The following KDM4C variants were observed in gnomAD, a reference collection of about 807,000 sequenced individuals.
The protein encoded by KDM4C is lysine demethylase 4C, also known as lysine-specific demethylase 4C.
KDM4C carries 81 observed loss-of-function variants against 129.3 expected under a neutral mutation model. The observed-to-expected ratio is 0.63, with a 90% CI of 0.52 to 0.75. The LOEUF (loss-of-function observed/expected upper bound fraction) is 0.75. Among genes scored for constraint, KDM4C ranks in the 30% least tolerant of loss-of-function variants. The pLI is 0.00. For missense variants in KDM4C, 1,457 were observed against 1,304.0 expected (o/e 1.12, Z -1.81); for synonymous variants, 573 against 456.1 (o/e 1.26, Z -3.26).
intron 4 of KDM4C, among the ~76,000 whole-genome samples, chr9:6,841,360 T>C (rs554189981): frequency 3.3e-4 from 50 of 152,206 alleles, no homozygotes; most frequent in African/African-American, 1.1e-3. Flanking sequence ...AAGGATGTTG[T>C]TGAGGATGGA....
chr9:7,124,429 G>A (rs1165022209), intron 18 of KDM4C, among the ~76,000 whole-genome samples: 2 of 152,126 alleles, frequency 1.3e-5, no homozygotes, highest in Non-Finnish European at 2.9e-5. Flanking sequence ...CACACAGGTT[G>A]TGAATGTGGC....
At chr9:7,083,664 A>C (rs1278539566) in intron 17 of KDM4C, among the ~76,000 whole-genome samples, 2 of 150,678 alleles carry the variant, frequency 1.3e-5, no homozygotes, top group Non-Finnish European at 2.9e-5. Flanking sequence ...CCACCATGGG[A>C]TATGCCATTT....
At chr9:7,167,354 C>T (rs1007686853) in intron 20 of KDM4C, among the ~76,000 whole-genome samples, 1 of 152,096 alleles carries the variant, frequency 6.6e-6, no homozygotes, top group African/African-American at 2.4e-5. Flanking sequence ...GGTTGGTTAC[C>T]CTAGTCCTAG....
At chr9:6,772,948 G>T (rs984295923) in intron 1 of KDM4C, among the ~76,000 whole-genome samples, 1 of 151,648 alleles carries the variant, frequency 6.6e-6, no homozygotes, top group Non-Finnish European at 1.5e-5. Context: ...CACCCACCTC[G>T]GCCTCCCCAA....
intron 1 of KDM4C, among the ~76,000 whole-genome samples, chr9:6,773,580 G>C (rs1381841843): frequency 6.6e-6 from 1 of 152,080 alleles, no homozygotes; most frequent in Admixed American, 6.6e-5. Flanking sequence ...AGACCAGCCT[G>C]ATCAACATGG....
intron 15 of KDM4C, among the ~76,000 whole-genome samples, chr9:7,029,632 G>C (rs1358899103): frequency 6.6e-6 from 1 of 152,098 alleles, no homozygotes; most frequent in East Asian, 1.9e-4. Flanking sequence ...ATGTGTGTAA[G>C]ATTATTTTTT....
At position 7,052,863 on chromosome 9, in the gene KDM4C, C is replaced by CAG. The variant is rs370475585; in HGVS notation, c.2424+3700_2424+3701dup. Among the ~76,000 whole-genome samples, 388 of 41,102 alleles carry CAG rather than the reference C, an allele frequency of 9.4e-3. 18 individuals are homozygous for CAG. Among genetic ancestry groups the CAG allele is most frequent in the Middle Eastern group, 0.043 (4 of 92 alleles). The allele number at this position is 41,102 out of a possible 152,430, so 27.0% of individuals were successfully genotyped here. ...CTAACCAGAGCTCTGGCCACACCTG[C>CAG]AGAGAGAGAGAGAGAGAGAGAGAGA... is the stretch of plus-strand genomic sequence containing the variant. On this transcript the variant is annotated intron_variant, in intron 17 of 21. Transcript: ENST00000381309.
intron 17 of KDM4C, among the ~76,000 whole-genome samples, chr9:7,095,195 C>T (rs966639442): frequency 1.3e-5 from 2 of 152,212 alleles, no homozygotes; most frequent in African/African-American, 4.8e-5. Context: ...GATACCTTTA[C>T]TGTTCCACCC....
At chr9:6,910,113 G>A (rs1406702098) in intron 8 of KDM4C, among the ~76,000 whole-genome samples, 2 of 152,098 alleles carry the variant, frequency 1.3e-5, no homozygotes, top group African/African-American at 4.8e-5. Flanking sequence ...ATAAAACCAT[G>A]TTTTAAGGAA....
At chr9:6,799,826 C>G (rs1429539749) in intron 2 of KDM4C, among the ~76,000 whole-genome samples, 1 of 151,860 alleles carries the variant, frequency 6.6e-6, no homozygotes, top group Non-Finnish European at 1.5e-5. Flanking sequence ...TATAGTGCCC[C>G]TCCCCTTTCA....
chr9:6,986,474 G>A lies in KDM4C; in HGVS notation c.1485G>A (p.Glu495=). 6.2e-7 allele frequency: 1 copy of A among 1,614,106 alleles called. No homozygotes were observed. Among genetic ancestry groups the A allele is most frequent in the Non-Finnish European group, 8.5e-7 (1 of 1,180,004 alleles). The change falls in exon 11 of 22, where the codon GAG becomes GAA. Residue 495 remains glutamate (E), a synonymous_variant. Coordinates refer to ENST00000381309, the MANE Select transcript of KDM4C (RefSeq NM_015061.6). ...CCATTCCATTGTCTAGTGGCTATGA[G>A]AAGCCCGAGAAATCAGACCCATCCG... ...DDSIPLSSGY[E]KPEKSDPSEL...
At chr9:7,100,083 A>T (rs990856994) in intron 17 of KDM4C, among the ~76,000 whole-genome samples, 2 of 152,080 alleles carry the variant, frequency 1.3e-5, no homozygotes, top group African/African-American at 4.8e-5. Flanking sequence ...AGTAATTCTC[A>T]TGGCTTTATT....
intron 17 of KDM4C, among the ~76,000 whole-genome samples, chr9:7,058,157 A>G (rs1450968215): frequency 2.0e-5 from 3 of 152,224 alleles, no homozygotes; most frequent in Admixed American, 6.5e-5. Flanking sequence ...GCCAGCAGTC[A>G]GAAGAGTTCA....
intron 8 of KDM4C, among the ~76,000 whole-genome samples, chr9:6,912,147 C>T (rs768957143): frequency 2.0e-5 from 3 of 152,182 alleles, no homozygotes; most frequent in Non-Finnish European, 4.4e-5. Context: ...TGGTGCCTTG[C>T]TGTTTCTGGC....
At chr9:6,889,049 A>C (rs1219535146) in intron 7 of KDM4C, among the ~76,000 whole-genome samples, 1 of 31,290 alleles carries the variant, frequency 3.2e-5, no homozygotes, top group African/African-American at 2.4e-4. Context: ...CGGCCTCCCA[A>C]AGTGCTGGGA....
upstream of KDM4C, among the ~76,000 whole-genome samples, chr9:6,753,553 C>T (rs1008733052): frequency 6.6e-6 from 1 of 152,164 alleles, no homozygotes; most frequent in East Asian, 1.9e-4. Context: ...GGATTACAGG[C>T]ATGAGTCATC....
intron 18 of KDM4C, among the ~76,000 whole-genome samples, chr9:7,108,925 C>G (rs1838008802): frequency 6.6e-6 from 1 of 152,160 alleles, no homozygotes. Context: ...AATCAGTACA[C>G]TTTTATGTGA....
chr9:6,886,683 G>A (rs1398844053), intron 6 of KDM4C, among the ~76,000 whole-genome samples: 1 of 151,866 alleles, frequency 6.6e-6, no homozygotes, highest in Non-Finnish European at 1.5e-5. Flanking sequence ...TAGTAGAGAC[G>A]GGGTTTTACC....
At chr9:6,882,649 G>C (rs1844631340) in intron 6 of KDM4C, among the ~76,000 whole-genome samples, 1 of 152,164 alleles carries the variant, frequency 6.6e-6, no homozygotes, top group Non-Finnish European at 1.5e-5. Flanking sequence ...AATTCTTTTA[G>C]ATCCTTATAT....
Sources: gnomAD v4.1 joint callset for allele counts (sites outside exome capture counted in the v4.1 genomes callset) on GRCh38, gnomAD v4.1.1 for gene constraint, MANE v1.5 for transcripts, NCBI Gene and HGNC (gene_info 2026-07-23, HGNC 2026-07-21) for gene names.